Variants in UCP3 observed in about 807,000 individuals in gnomAD.
The protein encoded by UCP3 is uncoupling protein 3.
In UCP3, 24 loss-of-function variants were observed where a neutral mutation model predicts 28.1. That is an observed-to-expected ratio of 0.85 (90% confidence interval 0.62 to 1.20). The LOEUF (loss-of-function observed/expected upper bound fraction) is 1.20. Ranked by LOEUF, UCP3 falls within the 50% of genes most tolerant of loss-of-function variation. The pLI, the probability that UCP3 is intolerant of heterozygous loss-of-function variation, is 0.00. For synonymous variants in UCP3, 184 were observed against 171.2 expected (o/e 1.07, Z -0.59); for missense variants, 397 against 422.2 (o/e 0.94, Z 0.52).
In UCP3 at chr11:74,001,307, T is replaced by G; in HGVS notation, c.*105A>C. On this transcript the variant is annotated 3_prime_UTR_variant, in exon 7 of 7. Coordinates refer to ENST00000314032, the MANE Select transcript of UCP3 (RefSeq NM_003356.4). The stretch of plus-strand genomic sequence containing the variant: ...ATCAGCAACAAGTAAACAACAGTTC[T>G]GTAAACATGTGTGGGTCTGTGTCCA... The G allele has an allele frequency of 9.4e-7, 1 of 1,059,796 alleles. No homozygotes were observed. The highest frequency in any genetic ancestry group is 1.4e-6 in the Non-Finnish European group (1 of 702,364). The allele number at this position is 1,059,796 out of a possible 1,614,324, so 65.6% of individuals were successfully genotyped here.
chr11:74,003,563 A>G, intron 6 of UCP3: 1 of 1,192,058 alleles, frequency 8.4e-7, no homozygotes, highest in Non-Finnish European at 1.0e-6. Flanking sequence ...AGGAGGTCTC[A>G]GGATTGCTAA....
rs370829405 is a variant in UCP3, at chr11:74,006,304, T to C, written c.202A>G (p.Met68Val). Residue 68 changes from methionine (M) to valine (V), a missense_variant, in exon 3 of 7, where the codon ATG (methionine) becomes GTG (valine). By Grantham distance (21) the Met-to-Val change is conservative. Coordinates refer to ENST00000314032, the MANE Select transcript of UCP3 (RefSeq NM_003356.4). ...CTGCAGGGACCCTCAGTCCGCACCA[T>C]GGTCAGGATGGTGCCCAGCACGCCA... ...YRGVLGTILT[M>V]VRTEGPCSPY... The C allele has an allele frequency of 1.9e-5, 31 of 1,610,480 alleles. No individual in the cohort carries two copies. Among genetic ancestry groups the C allele is most frequent in the Middle Eastern group, 1.6e-4 (1 of 6,082 alleles).
At chr11:74,003,025 T>G in intron 6 of UCP3, 1 of 835,352 alleles carries the variant, frequency 1.2e-6, no homozygotes, top group East Asian at 1.2e-4. Flanking sequence ...TTAACTTTTC[T>G]GACACTCAGT....
chr11:74,007,555 C>T (rs1244187823), intron 1 of UCP3, among the ~76,000 whole-genome samples: 1 of 152,104 alleles, frequency 6.6e-6, no homozygotes, highest in African/African-American at 2.4e-5. Context: ...CTTCAGCCTC[C>T]CGAGTAGCTG....
chr11:74,003,710 G>T lies in UCP3; in HGVS notation c.824+117C>A. 4.8e-6 allele frequency: 7 copies of T among 1,450,016 alleles called. No individual in the cohort carries two copies. The South Asian group carries it at 4.9e-5, about 10-fold the overall frequency. 89.8% of individuals were successfully genotyped at this position (1,450,016 alleles called of 1,614,324 possible). ...TGGTTTTTTAAACTTCTTCTTTGTG[G>T]CATTTACATCTGTACTCTTCACCGC... is the stretch of plus-strand genomic sequence containing the variant. On this transcript the variant is annotated intron_variant, in intron 6 of 6. Transcript: ENST00000314032.
Position 74,005,743 on chromosome 11 carries a change from C to G in UCP3, c.528G>C (p.Arg176Ser), listed in dbSNP as rs1565191285. 6.2e-7 allele frequency: 1 copy of G among 1,614,068 alleles called. No individual in the cohort carries two copies. The highest frequency in any genetic ancestry group is 1.1e-5 in the South Asian group (1 of 91,088). The change falls in exon 4 of 7, where the codon AGG becomes AGC. Residue 176 changes from arginine to serine, a missense_variant. Transcript: ENST00000314032. ...GTCCAGACCTACCTTTCCACAGGCC[C>G]CTGACTCCTTCCTCCCTGGCGATGG... ...YRTIAREEGV[R>S]GLWKGTLPNI...
chr11:74,008,841 C>T (rs930850375), intron 1 of UCP3, 137 bp downstream of exon 1: 1 of 152,198 alleles, frequency 6.6e-6, no homozygotes, highest in African/African-American at 2.4e-5. Flanking sequence ...TGGACTGAAT[C>T]TCTATCAGGT....
Position 74,005,944 on chromosome 11 carries a change from CAGAG to C in UCP3, c.338-15_338-12del, listed in dbSNP as rs762071155. 1.9e-5 allele frequency: 31 copies of C among 1,613,776 alleles called. No homozygotes were observed. In the Admixed American group the frequency reaches 3.7e-4, roughly 19 times the overall value. The stretch of plus-strand genomic sequence containing the variant: ...TAGTGAGGCTGGAGTCTGGGAGGGG[CAGAG>C]AGAGTGGGCCAGTGTCCCCTACTAA... On this transcript the variant is annotated splice_polypyrimidine_tract_variant and intron_variant, in intron 3 of 6. Coordinates refer to ENST00000314032, the MANE Select transcript of UCP3 (RefSeq NM_003356.4).
At chr11:74,004,043 A>G in intron 5 of UCP3, 36 bp from the exon 6 acceptor site, 1 of 1,610,658 alleles carries the variant, frequency 6.2e-7, no homozygotes, top group Non-Finnish European at 8.5e-7. Context: ...CAAGGAGTGC[A>G]TTTGTGTTCT....
intron 1 of UCP3, 39 bp from the exon 2 acceptor site, chr11:74,007,176 T>C: frequency 8.2e-7 from 1 of 1,217,152 alleles, no homozygotes; most frequent in Non-Finnish European, 1.1e-6. Flanking sequence ...TGGAGTGATG[T>C]CTGGCCTGGC....
chr11:74,007,427 A>C (rs3019465), intron 1 of UCP3: 1 of 195,440 alleles, frequency 5.1e-6, no homozygotes, highest in Non-Finnish European at 1.1e-5. Flanking sequence ...CCCCAATATC[A>C]AACTGCCTCC....
chr11:74,001,830 G>A (rs1419774043), intron 6 of UCP3: 2 of 369,554 alleles, frequency 5.4e-6, no homozygotes, highest in Non-Finnish European at 1.0e-5. Flanking sequence ...ACAAACTGAG[G>A]CCCAGGGAGG....
chr11:74,002,719 C>T, intron 6 of UCP3: 2 of 981,062 alleles, frequency 2.0e-6, no homozygotes, highest in Middle Eastern at 5.3e-4. Flanking sequence ...CAAGTGGCTA[C>T]AGCTGAAGAC....
intron 6 of UCP3, chr11:74,001,831 C>T: frequency 5.4e-6 from 2 of 369,342 alleles, no homozygotes; most frequent in Non-Finnish European, 1.0e-5. Flanking sequence ...CAAACTGAGG[C>T]CCAGGGAGGT....
At chr11:74,008,026 T>C (rs1297724265) in intron 1 of UCP3, among the ~76,000 whole-genome samples, 1 of 152,214 alleles carries the variant, frequency 6.6e-6, no homozygotes, top group East Asian at 1.9e-4. Context: ...GGTTGCTTCT[T>C]GCACCAGATA....
intron 1 of UCP3, among the ~76,000 whole-genome samples, chr11:74,007,876 C>T (rs567355298): frequency 4.4e-4 from 67 of 152,258 alleles, no homozygotes; most frequent in African/African-American, 1.5e-3. Flanking sequence ...TCCAGACTCT[C>T]CTAGACCCCT....
In UCP3 at chr11:74,006,889, C is replaced by A. The variant is rs770412541; in HGVS notation, c.126+28G>T. The stretch of plus-strand genomic sequence containing the variant: ...GAACTAGCCCCTCCTTCCATGTGAT[C>A]AATGACCCTTGGCCAAAGGGCACCT... On this transcript the variant is annotated intron_variant, in intron 2 of 6. Transcript: ENST00000314032. 7 of 1,614,078 alleles carry A rather than the reference C, an allele frequency of 4.3e-6. No homozygotes were observed. In the South Asian group the frequency reaches 7.7e-5, roughly 18 times the overall value.
chr11:74,006,657 CCTTA>C (rs1159195523), intron 2 of UCP3, among the ~76,000 whole-genome samples: 1 of 152,220 alleles, frequency 6.6e-6, no homozygotes, highest in African/African-American at 2.4e-5. Context: ...ACAGTTAATT[CCTTA>C]CTTTTACCTC....
At chr11:74,008,020 G>T (rs906791665) in intron 1 of UCP3, among the ~76,000 whole-genome samples, 5 of 152,204 alleles carry the variant, frequency 3.3e-5, no homozygotes, top group African/African-American at 4.8e-5. Flanking sequence ...TTTGCTGGTT[G>T]CTTCTTGCAC....
Sources: gnomAD v4.1 joint callset for allele counts (sites outside exome capture counted in the v4.1 genomes callset) on GRCh38, gnomAD v4.1.1 for gene constraint, MANE v1.5 for transcripts, NCBI Gene and HGNC (gene_info 2026-07-23, HGNC 2026-07-21) for gene names.